COL6A2: variants seen among roughly 807,000 people sequenced by gnomAD.
COL6A2 encodes collagen type VI alpha 2 chain.
In COL6A2, 90 loss-of-function variants were observed where a neutral mutation model predicts 124.9. The ratio of observed to expected loss-of-function variants is 0.72; its 90% CI spans 0.61 to 0.86. The LOEUF is 0.86. COL6A2 is among the 40% of genes least tolerant of loss of function. The pLI is 0.00. For synonymous variants in COL6A2, 793 were observed against 618.2 expected (o/e 1.28, Z -4.19); for missense variants, 1,607 against 1,502.5 (o/e 1.07, Z -1.15).
intron 27 of COL6A2, among the ~76,000 whole-genome samples, chr21:46,131,595 G>A (rs1568946754): frequency 1.3e-5 from 2 of 152,186 alleles, no homozygotes; most frequent in African/African-American, 4.8e-5. Context: ...ACAGACAGTG[G>A]CCCTTTTGTG....
chr21:46,129,551 GCCC>G (rs1394068539), intron 27 of COL6A2: 5 of 1,484,304 alleles, frequency 3.4e-6, no homozygotes, highest in Non-Finnish European at 4.5e-6. Context: ...TCCCAGGGCT[GCCC>G]CCGACAGGCT....
rs1022059000 is a variant in COL6A2, at chr21:46,108,843, C to G, written c.-27-2607C>G. Among the ~76,000 whole-genome samples, 4 of 152,166 alleles carry G rather than the reference C, an allele frequency of 2.6e-5. No homozygotes were observed. The East Asian group carries it at 7.7e-4, about 29-fold the overall frequency. On this transcript the variant is annotated intron_variant, in intron 1 of 27. Transcript: ENST00000300527. ...GTGTCACTTTTCTGGCCTGAAACCT[C>G]TATGGCCAGTGGCGCCTTTGCCCAA... is the stretch of plus-strand genomic sequence containing the variant.
Position 46,115,993 on chromosome 21 carries a change from G to T in COL6A2, c.856-16G>T. ...GCCCCAGGGCTGGGCTCACACTGCT[G>T]CGTTGTCCTTCACAGGGAGACCCGG... On this transcript the variant is annotated splice_polypyrimidine_tract_variant and intron_variant, in intron 6 of 27. Coordinates refer to ENST00000300527, the MANE Select transcript of COL6A2 (RefSeq NM_001849.4). The T allele has an allele frequency of 5.0e-6, 8 of 1,611,836 alleles. No homozygotes were observed. The highest frequency in any genetic ancestry group is 6.8e-6 in the Non-Finnish European group (8 of 1,179,526).
At chr21:46,107,566 G>C (rs558035733) in intron 1 of COL6A2, among the ~76,000 whole-genome samples, 19 of 152,228 alleles carry the variant, frequency 1.2e-4, no homozygotes, top group South Asian at 1.2e-3. Flanking sequence ...GAGATTAACC[G>C]AGAGTCTAGC....
At chr21:46,113,981 C>A (rs1251506955) in intron 4 of COL6A2, 27 bp from the exon 5 acceptor site, 2 of 1,608,814 alleles carry the variant, frequency 1.2e-6, no homozygotes, top group Non-Finnish European at 8.5e-7. Context: ...ACCCATGCAA[C>A]CTTCTGTCTC....
At chr21:46,131,665 G>C (rs2078761322) in intron 27 of COL6A2, among the ~76,000 whole-genome samples, 1 of 152,198 alleles carries the variant, frequency 6.6e-6, no homozygotes, top group Admixed American at 6.5e-5. Flanking sequence ...CAGGAGGGCA[G>C]CCTGTGCAGG....
chr21:46,107,772 G>A (rs149676439), intron 1 of COL6A2, among the ~76,000 whole-genome samples: 18 of 152,308 alleles, frequency 1.2e-4, no homozygotes, highest in African/African-American at 4.3e-4. Context: ...TAGCCTGGAA[G>A]CCATCTCTCC....
rs1040827784 is a variant in COL6A2 at position 46,124,938 on chromosome 21, C to T, written c.1770+18C>T. 7 of 1,612,778 alleles carry T rather than the reference C, an allele frequency of 4.3e-6. No individual in the cohort carries two copies. The highest frequency in any genetic ancestry group is 1.3e-5 in the African/African-American group (1 of 75,048). On this transcript the variant is annotated intron_variant, in intron 23 of 27. Transcript: ENST00000300527. The stretch of plus-strand genomic sequence containing the variant: ...GTCTCACGGTAGGTGTCACATGGGG[C>T]AGAACCAGTGTCCTTCTCCTGCCAA...
At chr21:46,127,766 C>T (rs1391719862) in intron 27 of COL6A2, among the ~76,000 whole-genome samples, 1 of 152,172 alleles carries the variant, frequency 6.6e-6, no homozygotes, top group Non-Finnish European at 1.5e-5. Context: ...GTGTGAGTGG[C>T]CGCTATGGCT....
At chr21:46,127,819 G>C (rs974732210) in intron 27 of COL6A2, among the ~76,000 whole-genome samples, 1 of 152,180 alleles carries the variant, frequency 6.6e-6, no homozygotes, top group Non-Finnish European at 1.5e-5. Context: ...TGGGTGCTGC[G>C]TCTGTGGATG....
At chr21:46,114,428 A>AC (rs1437929520) in intron 5 of COL6A2, among the ~76,000 whole-genome samples, 1 of 151,300 alleles carries the variant, frequency 6.6e-6, no homozygotes, top group East Asian at 1.9e-4. Context: ...CTGTCTCAAA[A>AC]AAAAAAAAAA....
Position 46,132,267 on chromosome 21 carries a change from C to CA in COL6A2, c.2777dup (p.Asn926LysfsTer67). 1 of 1,606,708 alleles carries CA rather than the reference C, an allele frequency of 6.2e-7. No homozygotes were observed. Among genetic ancestry groups the CA allele is most frequent in the South Asian group, 1.1e-5 (1 of 90,626 alleles). On this transcript the variant is annotated frameshift_variant, in exon 28 of 28. Transcript: ENST00000300527. LOFTEE classifies it high-confidence loss of function. ...TGGGCGCAGGCGTGGTGCACGCCAT[C>CA]AATGCCATCGTGCGCAGCCCGCGTG...
Position 46,111,988 on chromosome 21 carries a change from A to G in COL6A2, c.125A>G (p.Asp42Gly). ...ERNNNCPEKT[D>G]CPIHVYFVLD... ...GTCCTGTGCCCCACAGAGAAGACCG[A>G]CTGCCCCATCCACGTGTACTTCGTG... The change falls in exon 3 of 28, where the codon GAC becomes GGC. Residue 42 changes from aspartate (D) to glycine (G), a missense_variant. This residue lies in a region of COL6A2 where 342 missense variants were observed against 381.5 expected (regional missense o/e 0.90). Coordinates refer to ENST00000300527, the MANE Select transcript of COL6A2 (RefSeq NM_001849.4). The G allele has an allele frequency of 6.2e-7, 1 of 1,611,984 alleles. No individual in the cohort carries two copies. The highest frequency in any genetic ancestry group is 8.5e-7 in the Non-Finnish European group (1 of 1,179,976).
At chr21:46,125,179 T>C in intron 23 of COL6A2, 87 bp from the exon 24 acceptor site, 2 of 1,327,042 alleles carry the variant, frequency 1.5e-6, no homozygotes, top group Non-Finnish European at 2.2e-6. Context: ...TGGGCTGGAA[T>C]GTCCCGGGAC....
In COL6A2 at chr21:46,122,938, G is replaced by A. The variant is rs1167687731; in HGVS notation, c.1671+1G>A. 1.9e-6 allele frequency: 3 copies of A among 1,613,050 alleles called. No individual in the cohort carries two copies. The highest frequency in any genetic ancestry group is 2.5e-6 in the Non-Finnish European group (3 of 1,179,906). On this transcript the variant is annotated splice_donor_variant, in intron 21 of 27. Transcript: ENST00000300527. LOFTEE classifies it high-confidence loss of function. ...GAGGAAAGGAGAGAAAGGAGAGCCT[G>A]TGAGTGTCACCGTCCCGAAGCCCAC...
intron 3 of COL6A2, 73 bp downstream of exon 3, chr21:46,112,650 C>T (rs1247959762): frequency 4.4e-6 from 7 of 1,594,580 alleles, no homozygotes; most frequent in East Asian, 2.2e-5. Flanking sequence ...CTCCGGGCCT[C>T]ACTTTACCCC....
At chr21:46,121,002 G>A in intron 16 of COL6A2, 59 bp from the exon 17 acceptor site, 1 of 1,496,448 alleles carries the variant, frequency 6.7e-7, no homozygotes, top group Non-Finnish European at 9.3e-7. Context: ...ATTGATACTG[G>A]GGACTCCAGG....
Position 46,115,867 on chromosome 21 carries a change from T to C in COL6A2, c.802-5T>C. The C allele has an allele frequency of 6.2e-7, 1 of 1,612,702 alleles. No homozygotes were observed. The highest frequency in any genetic ancestry group is 2.2e-5 in the East Asian group (1 of 44,870). On this transcript the variant is annotated splice_region_variant and splice_polypyrimidine_tract_variant and intron_variant, in intron 5 of 27. Coordinates refer to ENST00000300527, the MANE Select transcript of COL6A2 (RefSeq NM_001849.4). ...GCCTCGATGTACTCTTTTCTCTGCT[T>C]TTAGGGTGCCAAGGGCAACATGGGT...
chr21:46,132,495 C>A lies in COL6A2; in HGVS notation c.3003C>A (p.Asp1001Glu), dbSNP rs756253502. ...GCGCCGCCGTGTTCCACGAGAAGGA[C>A]TATGACAGCCTGGCGCAACCCGGCT... ...GDRAAVFHEK[D>E]YDSLAQPGFF... Residue 1001 changes from aspartate to glutamate, a missense_variant, in exon 28 of 28, where the codon GAC (aspartate) becomes GAA (glutamate). Transcript: ENST00000300527. The A allele has an allele frequency of 2.2e-5, 36 of 1,607,984 alleles. No individual in the cohort carries two copies. In the East Asian group the frequency reaches 7.6e-4, roughly 34 times the overall value.
Sources: gnomAD v4.1 joint callset for allele counts (sites outside exome capture counted in the v4.1 genomes callset) on GRCh38, gnomAD v4.1.1 for gene constraint, gnomAD v4.1.1 regional missense constraint, MANE v1.5 for transcripts, NCBI Gene and HGNC (gene_info 2026-07-23, HGNC 2026-07-21) for gene names.